The following TBPL2 variants were observed in gnomAD, a reference collection of about 807,000 sequenced individuals.
TBPL2 encodes TATA box-binding protein-like 2.
TBPL2 carries 40 observed loss-of-function variants against 38.2 expected under a neutral mutation model. The observed-to-expected ratio is 1.05, with a 90% CI of 0.81 to 1.36. The LOEUF (loss-of-function observed/expected upper bound fraction) is 1.36. TBPL2 is among the 40% of genes most tolerant of loss of function. The pLI is 0.00. For synonymous variants in TBPL2, 169 were observed against 171.7 expected (o/e 0.98, Z 0.12); for missense variants, 461 against 456.7 (o/e 1.01, Z -0.09).
chr14:55,421,904 G>C (rs768910461), intron 6 of TBPL2, among the ~76,000 whole-genome samples: 15 of 152,078 alleles, frequency 9.9e-5, no homozygotes, highest in Admixed American at 4.6e-4. Context: ...TCTGAATTCA[G>C]GTAATATAAA....
At chr14:55,436,099 C>T (rs1886008945) in intron 2 of TBPL2, among the ~76,000 whole-genome samples, 165 bp from the exon 3 acceptor site, 1 of 152,078 alleles carries the variant, frequency 6.6e-6, no homozygotes, top group Non-Finnish European at 1.5e-5. Flanking sequence ...AGTGTAAAAT[C>T]CCAAAGTGAA....
Position 55,436,725 on chromosome 14 carries a change from GCTGTTTAAGCCCAGCCCAACGTC to G in TBPL2, c.421_443del (p.Asp141GlnfsTer14). ...GTGAATGGGAATTTGACAAACTGCT[GCTGTTTAAGCCCAGCCCAACGTC>G]CTGTTCGCTGGGTGATGGCAACCTA... On this transcript the variant is annotated frameshift_variant, in exon 2 of 7. Transcript: ENST00000247219. LOFTEE classifies it high-confidence loss of function. 4 of 1,614,218 alleles carry G rather than the reference GCTGTTTAAGCCCAGCCCAACGTC, an allele frequency of 2.5e-6. No homozygotes were observed. The highest frequency in any genetic ancestry group is 3.4e-6 in the Non-Finnish European group (4 of 1,180,036).
At chr14:55,423,039 A>G (rs1885769054) in intron 6 of TBPL2, among the ~76,000 whole-genome samples, 1 of 152,260 alleles carries the variant, frequency 6.6e-6, no homozygotes. Flanking sequence ...TAATAGTATT[A>G]TAGTAAACTC....
chr14:55,424,286 A>T (rs769704220), intron 5 of TBPL2, 33 bp from the exon 6 acceptor site: 4 of 1,380,316 alleles, frequency 2.9e-6, no homozygotes, highest in Admixed American at 1.7e-5. Flanking sequence ...TGTTAAAAAT[A>T]GCACTATTCA....
chr14:55,428,729 G>T, intron 5 of TBPL2, 78 bp downstream of exon 5: 10 of 1,374,922 alleles, frequency 7.3e-6, no homozygotes, highest in African/African-American at 2.9e-5. Context: ...TTCTCTGAAA[G>T]ATACTTTACG....
At chr14:55,424,501 T>C (rs1419681852) in intron 5 of TBPL2, among the ~76,000 whole-genome samples, 2 of 152,186 alleles carry the variant, frequency 1.3e-5, no homozygotes, top group African/African-American at 2.4e-5. Flanking sequence ...TTATTAGAAA[T>C]CAAGGTAACT....
exon 1 of TBPL2, chr14:55,440,610 G>A (rs1886097501): frequency 6.7e-7 from 1 of 1,490,958 alleles, no homozygotes; most frequent in African/African-American, 1.4e-5. Context: ...GGGCGCGAGA[G>A]AAGCGTTGGG....
chr14:55,421,072 A>G (rs1021478009), intron 6 of TBPL2, among the ~76,000 whole-genome samples: 38 of 151,704 alleles, frequency 2.5e-4, no homozygotes, highest in African/African-American at 8.2e-4. Flanking sequence ...AAAAAAAAAA[A>G]AAAAAAGAAA....
intron 6 of TBPL2, among the ~76,000 whole-genome samples, chr14:55,422,782 G>A (rs1885764585): frequency 6.6e-6 from 1 of 152,156 alleles, no homozygotes; most frequent in Non-Finnish European, 1.5e-5. Flanking sequence ...GAACGCTGGA[G>A]GTGGAGGTTG....
chr14:55,424,460 T>G (rs1180325939), intron 5 of TBPL2, among the ~76,000 whole-genome samples: 1 of 152,208 alleles, frequency 6.6e-6, no homozygotes, highest in Non-Finnish European at 1.5e-5. Context: ...TAATTTTGGG[T>G]CATAACACAA....
At chr14:55,414,411 A>G (rs975672262) in exon 7 of TBPL2, 1 of 1,609,260 alleles carries the variant, frequency 6.2e-7, no homozygotes, top group Admixed American at 1.7e-5. Context: ...AGAATAGGAT[A>G]GATGTTTTCA....
chr14:55,419,732 C>A (rs1594789339), intron 6 of TBPL2, among the ~76,000 whole-genome samples: 1 of 152,194 alleles, frequency 6.6e-6, no homozygotes, highest in South Asian at 2.1e-4. Context: ...CAAAGACCTG[C>A]AAATGGCATG....
intron 5 of TBPL2, among the ~76,000 whole-genome samples, chr14:55,425,716 T>C (rs2140170098): frequency 6.6e-6 from 1 of 152,330 alleles, no homozygotes; most frequent in East Asian, 1.9e-4. Flanking sequence ...AAAATCTTCC[T>C]TGATCTCTAC....
rs201216985 is a variant in TBPL2 at position 55,436,562 on chromosome 14, G to A, written c.607C>T (p.Gln203Ter). Reference sequence around the variant, plus strand: ...ATTAAAACAAAAATAAAAACTTACTGTAGTTGAGGTACAATTCCACAACAT... The same window carrying A: ...ATTAAAACAAAAATAAAAACTTACTATAGTTGAGGTACAATTCCACAACAT... Residue 203 changes from glutamine (Q) to a stop codon, truncating the protein, a stop_gained and splice_region_variant, in exon 2 of 7, where the codon CAG becomes TAG. Coordinates refer to ENST00000247219, the Ensembl canonical transcript of TBPL2. LOFTEE classifies it high-confidence loss of function. 171 of 1,612,138 alleles carry A rather than the reference G, an allele frequency of 1.1e-4. No individual in the cohort carries two copies. Among genetic ancestry groups the A allele is most frequent in the Non-Finnish European group, 1.4e-4 (163 of 1,178,432 alleles).
intron 1 of TBPL2, 137 bp downstream of exon 1, chr14:55,440,259 C>T: frequency 9.0e-7 from 1 of 1,105,976 alleles, no homozygotes; most frequent in Non-Finnish European, 1.3e-6. Context: ...AGCTTCTAAC[C>T]TTCAACTTAA....
chr14:55,435,759 CAG>C (rs1365481970), intron 3 of TBPL2, 86 bp downstream of exon 3: 2 of 971,510 alleles, frequency 2.1e-6, no homozygotes, highest in East Asian at 5.9e-5. Flanking sequence ...TAAGAAAAAA[CAG>C]AGGAATTAGT....
At chr14:55,432,433 T>C (rs1436221787) in intron 4 of TBPL2, among the ~76,000 whole-genome samples, 2 of 99,318 alleles carry the variant, frequency 2.0e-5, no homozygotes. Context: ...AAACAACAAA[T>C]AAACAAACAA....
chr14:55,421,815 T>C (rs4901560), intron 6 of TBPL2, among the ~76,000 whole-genome samples: 106,620 of 152,130 alleles, frequency 0.7, 37,525 homozygotes, highest in South Asian at 0.74. Flanking sequence ...AAGCAAACTA[T>C]ACAACTCAGA....
intron 6 of TBPL2, among the ~76,000 whole-genome samples, chr14:55,418,342 T>G (rs1885696874): frequency 6.6e-6 from 1 of 152,198 alleles, no homozygotes; most frequent in Non-Finnish European, 1.5e-5. Context: ...TACCCCTTAG[T>G]CAGCTCCAAA....
Sources: gnomAD v4.1 joint callset for allele counts (sites outside exome capture counted in the v4.1 genomes callset) on GRCh38, gnomAD v4.1.1 for gene constraint, MANE v1.5 for transcripts, NCBI Gene and HGNC (gene_info 2026-07-23, HGNC 2026-07-21) for gene names.